Variants in MNAT1 observed in about 807,000 individuals in gnomAD.
MNAT1 encodes CDK-activating kinase assembly factor MAT1.
MNAT1 carries 43 observed loss-of-function variants against 42.0 expected under a neutral mutation model. That is an observed-to-expected ratio of 1.02 (90% CI 0.80 to 1.32). The LOEUF (loss-of-function observed/expected upper bound fraction) is 1.32, where lower values mean the gene tolerates loss of function less well. Among genes scored for constraint, MNAT1 ranks in the 40% most tolerant of loss-of-function variants. The probability of loss-of-function intolerance (pLI) is 0.00; values close to 1 mark genes in which losing one functional copy is unlikely to be tolerated. For missense variants in MNAT1, 306 were observed against 350.4 expected (o/e 0.87, Z 1.01); for synonymous variants, 118 against 120.0 (o/e 0.98, Z 0.11).
intron 6 of MNAT1, among the ~76,000 whole-genome samples, chr14:60,843,870 C>T (rs2033612727): frequency 6.6e-6 from 1 of 151,948 alleles, no homozygotes; most frequent in Admixed American, 6.6e-5. Flanking sequence ...TTTTCCTTCC[C>T]CCAAGTCACA....
chr14:60,805,009 A>G (rs922038566), intron 3 of MNAT1, among the ~76,000 whole-genome samples: 1 of 152,244 alleles, frequency 6.6e-6, no homozygotes, highest in African/African-American at 2.4e-5. Context: ...ACTTTTCAGT[A>G]GATTCATACC....
intron 7 of MNAT1, among the ~76,000 whole-genome samples, chr14:60,955,883 A>G (rs2036479479): frequency 6.6e-6 from 1 of 151,374 alleles, no homozygotes; most frequent in Non-Finnish European, 1.5e-5. Flanking sequence ...AATTTTATGT[A>G]TTTGAGTCTT....
intron 6 of MNAT1, among the ~76,000 whole-genome samples, chr14:60,865,101 G>A (rs554309247): frequency 6.6e-6 from 1 of 152,066 alleles, no homozygotes; most frequent in East Asian, 1.9e-4. Flanking sequence ...ACTGTACTAG[G>A]CACAGAAGAG....
At chr14:60,830,733 T>A (rs2033189191) in intron 6 of MNAT1, among the ~76,000 whole-genome samples, 1 of 152,142 alleles carries the variant, frequency 6.6e-6, no homozygotes, top group Non-Finnish European at 1.5e-5. Flanking sequence ...TGGTTGATCA[T>A]TTTGTTATAT....
chr14:60,794,652 A>AT (rs1438588804), intron 1 of MNAT1, among the ~76,000 whole-genome samples: 103 of 97,146 alleles, frequency 1.1e-3, no homozygotes, highest in South Asian at 8.9e-3. Context: ...AAAAAAAAAA[A>AT]AAAAAAAAAT....
chr14:60,961,090 G>A (rs1268522905), intron 7 of MNAT1, among the ~76,000 whole-genome samples: 1 of 152,088 alleles, frequency 6.6e-6, no homozygotes, highest in Non-Finnish European at 1.5e-5. Context: ...AGCCTCCCGA[G>A]TAGCTGAGAT....
intron 7 of MNAT1, among the ~76,000 whole-genome samples, chr14:60,911,619 A>G (rs1478952636): frequency 6.6e-6 from 1 of 152,070 alleles, no homozygotes; most frequent in African/African-American, 2.4e-5. Flanking sequence ...GTTTCCATGT[A>G]GTTGAGTGGT....
rs146798447 is a variant in MNAT1 at position 60,742,672 on chromosome 14, A to G, written c.89+7721A>G. ...CTCCTCAACTCCCCCCTCCCATAGCACTAGGCAACCAGTTATCTACTTTCT... is the reference window on the plus strand; with the variant it reads ...CTCCTCAACTCCCCCCTCCCATAGCGCTAGGCAACCAGTTATCTACTTTCT... On this transcript the variant is annotated intron_variant, in intron 1 of 7. Coordinates refer to ENST00000261245, the MANE Select transcript of MNAT1 (RefSeq NM_002431.4). 7.2e-5 allele frequency among the ~76,000 whole-genome samples: 11 copies of G among 152,246 alleles called. No homozygotes were observed. The East Asian group carries it at 2.1e-3, about 29-fold the overall frequency.
intron 1 of MNAT1, among the ~76,000 whole-genome samples, chr14:60,746,126 T>C (rs1314760318): frequency 6.6e-6 from 1 of 152,226 alleles, no homozygotes; most frequent in Admixed American, 6.5e-5. Flanking sequence ...TAGCGAGTTA[T>C]AGGCCAGCCA....
At position 60,769,060 on chromosome 14, in the gene MNAT1, T is replaced by G. The variant is rs562656610; in HGVS notation, c.90-27157T>G. 1.6e-4 allele frequency among the ~76,000 whole-genome samples: 24 copies of G among 152,326 alleles called. No homozygotes were observed. In the South Asian group the frequency reaches 4.6e-3, roughly 29 times the overall value. The stretch of plus-strand genomic sequence containing the variant: ...ATGCTTGTGCACTAACCCCCTGGGT[T>G]GAGAAATAGGGTATTACTGGTAAGT... On this transcript the variant is annotated intron_variant, in intron 1 of 7. Coordinates refer to ENST00000261245, the MANE Select transcript of MNAT1 (RefSeq NM_002431.4).
intron 7 of MNAT1, among the ~76,000 whole-genome samples, chr14:60,912,884 T>C (rs904211757): frequency 6.6e-6 from 1 of 152,218 alleles, no homozygotes; most frequent in Admixed American, 6.5e-5. Flanking sequence ...CCTTGCTAGA[T>C]TGGGGAAGTT....
intron 7 of MNAT1, among the ~76,000 whole-genome samples, chr14:60,881,487 A>G (rs1594828886): frequency 1.3e-5 from 2 of 152,094 alleles, no homozygotes; most frequent in South Asian, 4.1e-4. Flanking sequence ...CGCCCGGCCC[A>G]TCTTTTAATA....
intron 6 of MNAT1, among the ~76,000 whole-genome samples, chr14:60,822,971 G>A (rs1464111313): frequency 1.3e-5 from 2 of 152,054 alleles, no homozygotes; most frequent in East Asian, 3.9e-4. Context: ...TGCCCAGGCC[G>A]GTCTGGAACT....
At chr14:60,866,541 A>G (rs61992988) in intron 6 of MNAT1, among the ~76,000 whole-genome samples, 426 of 152,164 alleles carry the variant, frequency 2.8e-3, no homozygotes, top group Non-Finnish European at 5.2e-3. Flanking sequence ...GTACGAATGA[A>G]ATTATAGTCA....
chr14:60,796,901 A>G (rs1172182565), intron 2 of MNAT1, among the ~76,000 whole-genome samples: 1 of 152,132 alleles, frequency 6.6e-6, no homozygotes, highest in East Asian at 1.9e-4. Flanking sequence ...GAAGGCTATT[A>G]GAGAAAATTA....
At chr14:60,839,086 G>A (rs1472943236) in intron 6 of MNAT1, among the ~76,000 whole-genome samples, 1 of 152,110 alleles carries the variant, frequency 6.6e-6, no homozygotes, top group Admixed American at 6.5e-5. Context: ...TGGGCTTCTG[G>A]GTGGAAAGGG....
At position 60,881,107 on chromosome 14, in the gene MNAT1, C is replaced by T. The variant is rs138275604; in HGVS notation, c.809+1272C>T. Among the ~76,000 whole-genome samples, 788 of 152,202 alleles carry T rather than the reference C, an allele frequency of 5.2e-3. 14 individuals carry two copies. Among genetic ancestry groups the T allele is most frequent in the African/African-American group, 0.018 (739 of 41,538 alleles). On this transcript the variant is annotated intron_variant, in intron 7 of 7. Coordinates refer to ENST00000261245, the MANE Select transcript of MNAT1 (RefSeq NM_002431.4). ...CTCTGTTACTAGGTTTTGCATTTTC[C>T]AATAATTTTGTCAAAATTTTTCATA...
chr14:60,791,020 A>C (rs760704418), intron 1 of MNAT1, among the ~76,000 whole-genome samples: 4 of 152,198 alleles, frequency 2.6e-5, no homozygotes, highest in Admixed American at 6.5e-5. Context: ...TGTCAGGAGG[A>C]TACAAACCCA....
intron 5 of MNAT1, among the ~76,000 whole-genome samples, chr14:60,814,700 G>T (rs939181521): frequency 6.6e-6 from 1 of 152,048 alleles, no homozygotes; most frequent in African/African-American, 2.4e-5. Context: ...AAGGGTAAGG[G>T]CATTCATGAG....
Sources: gnomAD v4.1 joint callset for allele counts (sites outside exome capture counted in the v4.1 genomes callset) on GRCh38, gnomAD v4.1.1 for gene constraint, MANE v1.5 for transcripts, NCBI Gene and HGNC (gene_info 2026-07-23, HGNC 2026-07-21) for gene names.